Variants in GATB observed in about 807,000 individuals in gnomAD.
The protein encoded by GATB is glutamyl-tRNA amidotransferase subunit B, also known as glutamyl-tRNA(Gln) amidotransferase subunit B, mitochondrial.
GATB carries 39 observed loss-of-function variants against 62.3 expected under a neutral mutation model. The observed-to-expected ratio is 0.63, with a 90% CI of 0.48 to 0.82. GATB has a LOEUF of 0.82. Among genes scored for constraint, GATB ranks in the 40% least tolerant of loss-of-function variants. GATB has a pLI of 0.00. For synonymous variants in GATB, 276 were observed against 258.9 expected (o/e 1.07, Z -0.63); for missense variants, 670 against 684.0 (o/e 0.98, Z 0.23).
intron 2 of GATB, among the ~76,000 whole-genome samples, chr4:151,726,600 A>C (rs367909126): frequency 6.6e-6 from 1 of 152,218 alleles, no homozygotes. Flanking sequence ...TCTTTCCCGA[A>C]GGGGAAAGAA....
At chr4:151,682,337 A>G (rs1357997870) in intron 10 of GATB, among the ~76,000 whole-genome samples, 1 of 152,200 alleles carries the variant, frequency 6.6e-6, no homozygotes, top group East Asian at 1.9e-4. Flanking sequence ...GACAAAGATC[A>G]GTACCTGTCA....
At chr4:151,750,836 G>A (rs1248368862) in intron 2 of GATB, among the ~76,000 whole-genome samples, 1 of 149,518 alleles carries the variant, frequency 6.7e-6, no homozygotes, top group African/African-American at 2.5e-5. Flanking sequence ...GTTTCACCAT[G>A]TTGCCCAGGC....
At chr4:151,702,375 TGGAG>T (rs1738623989) in intron 8 of GATB, among the ~76,000 whole-genome samples, 2 of 151,726 alleles carry the variant, frequency 1.3e-5, no homozygotes, top group Admixed American at 1.3e-4. Context: ...GATGAAGAGG[TGGAG>T]CACAGGGCAT....
intron 2 of GATB, among the ~76,000 whole-genome samples, chr4:151,740,659 T>C (rs1336919143): frequency 2.6e-5 from 4 of 152,178 alleles, no homozygotes. Flanking sequence ...TCACCGATGA[T>C]GCCACAAAGC....
rs561752448 is a variant in GATB at position 151,752,923 on chromosome 4, G to C, written c.327+5849C>G. 2.0e-5 allele frequency among the ~76,000 whole-genome samples: 3 copies of C among 152,246 alleles called. No homozygotes were observed. In the South Asian group the frequency reaches 6.2e-4, roughly 32 times the overall value. On this transcript the variant is annotated intron_variant, in intron 2 of 12. Coordinates refer to ENST00000263985, the MANE Select transcript of GATB (RefSeq NM_004564.3). ...AGTGGCCTTCACTGTAAAGCAATCA[G>C]GTGGCCAGACAGATTTTTTTAAATT...
intron 2 of GATB, among the ~76,000 whole-genome samples, chr4:151,752,556 G>A (rs553209210): frequency 4.6e-5 from 7 of 152,240 alleles, no homozygotes; most frequent in African/African-American, 1.7e-4. Context: ...TTTCCCAGGG[G>A]AAGGAGAGGC....
At chr4:151,716,307 TC>T in intron 4 of GATB, 176 bp from the exon 5 acceptor site, 1 of 628,602 alleles carries the variant, frequency 1.6e-6, no homozygotes, top group Non-Finnish European at 2.5e-6. Flanking sequence ...TAAAGAGGCG[TC>T]ATCTTGCTCT....
chr4:151,722,675 G>A (rs1243097405), intron 2 of GATB: 1 of 157,390 alleles, frequency 6.4e-6, no homozygotes, highest in Non-Finnish European at 1.4e-5. Context: ...ACTCCCATTG[G>A]GGCTTCCATC....
intron 2 of GATB, among the ~76,000 whole-genome samples, chr4:151,734,837 C>T (rs1170701397): frequency 1.3e-5 from 2 of 152,148 alleles, no homozygotes; most frequent in African/African-American, 4.8e-5. Context: ...GGGGAAAGGA[C>T]ACCCTTTTCA....
At position 151,697,947 on chromosome 4, in the gene GATB, G is replaced by GTATATATATATATATATA. The variant is rs1738506927; in HGVS notation, c.1197+3381_1197+3382insTATATATATATATATATA. On this transcript the variant is annotated intron_variant, in intron 9 of 12. Transcript: ENST00000263985. ...ATCGATTTCATATATATGTGTGTGT[G>GTATATATATATATATATA]TGTGTGTATATATATATATATATAT... Among the ~76,000 whole-genome samples, 2 of 73,492 alleles carry GTATATATATATATATATA rather than the reference G, an allele frequency of 2.7e-5. 1 individual carries two copies. The highest frequency in any genetic ancestry group is 1.9e-4 in the African/African-American group (2 of 10,536). 48.2% of individuals were successfully genotyped at this position (73,492 alleles called of 152,430 possible).
intron 2 of GATB, among the ~76,000 whole-genome samples, chr4:151,755,952 AAAAG>A (rs1430208142): frequency 2.6e-5 from 4 of 152,300 alleles, no homozygotes; most frequent in African/African-American, 9.6e-5. Flanking sequence ...TTTCTTGCCT[AAAAG>A]AGAGAGGGGA....
intron 7 of GATB, among the ~76,000 whole-genome samples, 162 bp from the exon 8 acceptor site, chr4:151,704,057 G>C (rs1047155676): frequency 6.0e-5 from 9 of 150,796 alleles, no homozygotes; most frequent in Admixed American, 2.0e-4. Context: ...CAATCATAAA[G>C]AAAGCGAAAT....
chr4:151,707,920 G>A (rs1023408722), intron 6 of GATB, 68 bp downstream of exon 6: 5 of 1,047,676 alleles, frequency 4.8e-6, no homozygotes, highest in Admixed American at 1.8e-5. Flanking sequence ...AAGTTTCTGG[G>A]TTGTTTGTTA....
intron 11 of GATB, chr4:151,678,035 T>A (rs1197240382): frequency 6.6e-6 from 1 of 152,072 alleles, no homozygotes; most frequent in African/African-American, 2.4e-5. Flanking sequence ...ATTACTTATA[T>A]TTTTTTATGA....
At chr4:151,742,500 TC>T (rs1739513855) in intron 2 of GATB, among the ~76,000 whole-genome samples, 1 of 152,208 alleles carries the variant, frequency 6.6e-6, no homozygotes. Context: ...TCCCCTCCCT[TC>T]TATAAGGTTT....
At chr4:151,689,646 C>T (rs769532302) in intron 9 of GATB, among the ~76,000 whole-genome samples, 2 of 151,816 alleles carry the variant, frequency 1.3e-5, no homozygotes, top group Non-Finnish European at 2.9e-5. Context: ...TGCCATCTTT[C>T]AATGGCAAGA....
chr4:151,692,380 TGAA>T (rs1738383256), intron 9 of GATB, among the ~76,000 whole-genome samples: 1 of 152,248 alleles, frequency 6.6e-6, no homozygotes, highest in Non-Finnish European at 1.5e-5. Flanking sequence ...CCAGCTCATC[TGAA>T]GAAAGCACTT....
chr4:151,699,776 A>G (rs576501049), intron 9 of GATB, among the ~76,000 whole-genome samples: 2 of 144,288 alleles, frequency 1.4e-5, no homozygotes, highest in East Asian at 3.9e-4. Context: ...GAGACAGCTA[A>G]TACACACACA....
chr4:151,690,113 A>C (rs962176599), intron 9 of GATB, among the ~76,000 whole-genome samples: 5 of 152,246 alleles, frequency 3.3e-5, no homozygotes, highest in African/African-American at 1.2e-4. Flanking sequence ...ATTAACCAAA[A>C]GAATTTTCTG....
Sources: allele counts gnomAD v4.1 joint callset (sites outside exome capture counted in the v4.1 genomes callset), GRCh38; gene constraint gnomAD v4.1.1; transcripts MANE v1.5; gene names NCBI Gene and HGNC (gene_info 2026-07-23, HGNC 2026-07-21).